The following PLCB4 variants were observed in gnomAD, a reference collection of about 807,000 sequenced individuals.
PLCB4 encodes phospholipase C beta 4, also known as 1-phosphatidylinositol 4,5-bisphosphate phosphodiesterase beta-4.
In PLCB4, 77 loss-of-function variants were observed where a neutral mutation model predicts 178.8. The observed-to-expected ratio is 0.43, with a 90% CI of 0.36 to 0.52. PLCB4 has a LOEUF of 0.52. Among genes scored for constraint, PLCB4 ranks in the 20% least tolerant of loss-of-function variants. The pLI is 0.00. For synonymous variants in PLCB4, 496 were observed against 490.8 expected, an observed-to-expected ratio of 1.01 and a Z score of -0.14; for missense variants, 1,024 against 1,453.4, an observed-to-expected ratio of 0.70 and a Z score of 4.80.
intron 2 of PLCB4, among the ~76,000 whole-genome samples, chr20:9,202,632 A>G (rs2093560774): frequency 6.6e-6 from 1 of 152,130 alleles, no homozygotes; most frequent in Admixed American, 6.5e-5. Context: ...AAGCAGTTTC[A>G]TATCCTTAGA....
chr20:9,428,693 G>A (rs1299372782), intron 28 of PLCB4, among the ~76,000 whole-genome samples: 4 of 152,008 alleles, frequency 2.6e-5, no homozygotes, highest in Non-Finnish European at 5.9e-5. Flanking sequence ...TCTTCTGCCT[G>A]TACCTCTTGG....
At chr20:9,397,757 T>G (rs955443011) in intron 19 of PLCB4, among the ~76,000 whole-genome samples, 27 of 152,322 alleles carry the variant, frequency 1.8e-4, no homozygotes. Flanking sequence ...GCTAAAGATA[T>G]CTGATACTAC....
At chr20:9,332,210 C>A (rs1196762572) in intron 4 of PLCB4, among the ~76,000 whole-genome samples, 10 of 152,052 alleles carry the variant, frequency 6.6e-5, no homozygotes, top group Admixed American at 6.6e-4. Flanking sequence ...CCTGCAGGGC[C>A]CAGATCTGGA....
At chr20:9,192,231 T>C (rs1179086638) in intron 2 of PLCB4, among the ~76,000 whole-genome samples, 1 of 152,194 alleles carries the variant, frequency 6.6e-6, no homozygotes, top group Non-Finnish European at 1.5e-5. Context: ...TGAGGTGATA[T>C]GAGCCGAACT....
chr20:9,123,894 G>A (rs1339760515), intron 2 of PLCB4, among the ~76,000 whole-genome samples: 2 of 151,922 alleles, frequency 1.3e-5, no homozygotes, highest in Non-Finnish European at 1.5e-5. Flanking sequence ...AAGTATTTTG[G>A]GCTTTGTGGA....
chr20:9,162,875 G>T (rs2092911218), intron 2 of PLCB4, among the ~76,000 whole-genome samples: 1 of 152,100 alleles, frequency 6.6e-6, no homozygotes, highest in African/African-American at 2.4e-5. Flanking sequence ...CTGAAAAGCT[G>T]TTTTTTAAAA....
intron 32 of PLCB4, 113 bp from the exon 33 acceptor site, chr20:9,453,234 T>C (rs2042874390): frequency 1.5e-6 from 1 of 656,238 alleles, no homozygotes; most frequent in Admixed American, 2.7e-5. Context: ...ATTTGGTTAT[T>C]CCTTGACTTT....
In PLCB4 at chr20:9,272,027, A is replaced by G. The variant is rs937959341; in HGVS notation, c.-15-35773A>G. ...ATCCTATGTCTACCAAAAAAAAAAA[A>G]TTGGCTGGGCGTGGTGGCATGCACC... On this transcript the variant is annotated intron_variant, in intron 3 of 39. Coordinates refer to ENST00000378473, the MANE Select transcript of PLCB4 (RefSeq NM_001377142.1). Among the ~76,000 whole-genome samples, 13 of 151,768 alleles carry G rather than the reference A, an allele frequency of 8.6e-5. No individual in the cohort carries two copies. The South Asian group carries it at 1.9e-3, about 22-fold the overall frequency.
intron 2 of PLCB4, among the ~76,000 whole-genome samples, chr20:9,209,798 C>T (rs1031788439): frequency 6.6e-6 from 1 of 151,788 alleles, no homozygotes; most frequent in Non-Finnish European, 1.5e-5. Flanking sequence ...CCCGTCTCTA[C>T]TAAAAAATAC....
chr20:9,421,247 G>T (rs1289549478), intron 26 of PLCB4, 50 bp from the exon 27 acceptor site: 2 of 1,419,362 alleles, frequency 1.4e-6, no homozygotes, highest in Middle Eastern at 2.2e-4. Context: ...TTTTGCTACT[G>T]ATGCTTACAC....
intron 2 of PLCB4, among the ~76,000 whole-genome samples, chr20:9,141,599 A>G (rs979824305): frequency 1.3e-5 from 2 of 152,132 alleles, no homozygotes; most frequent in Non-Finnish European, 2.9e-5. Context: ...GAAATAATTT[A>G]ATGCTGTAAA....
intron 32 of PLCB4, 49 bp downstream of exon 32, chr20:9,444,292 T>G: frequency 8.7e-7 from 1 of 1,144,734 alleles, no homozygotes; most frequent in South Asian, 1.3e-5. Context: ...GATGAATCAT[T>G]TGTAGCCAAA....
intron 1 of PLCB4, among the ~76,000 whole-genome samples, chr20:9,080,585 G>A (rs1456828927): frequency 2.0e-5 from 3 of 152,134 alleles, no homozygotes; most frequent in Non-Finnish European, 4.4e-5. Context: ...ATAGATTAGA[G>A]GCAGAGCTTC....
intron 2 of PLCB4, among the ~76,000 whole-genome samples, chr20:9,138,943 T>C (rs1030712131): frequency 8.5e-5 from 13 of 152,088 alleles, no homozygotes; most frequent in Non-Finnish European, 1.2e-4. Flanking sequence ...GTAACTATAG[T>C]ACATGGGTAT....
intron 2 of PLCB4, among the ~76,000 whole-genome samples, chr20:9,160,802 G>A (rs113592795): frequency 1.2e-3 from 180 of 152,200 alleles, no homozygotes; most frequent in African/African-American, 3.9e-3. Context: ...TCTGGACTTC[G>A]GGTTTGGAGG....
intron 2 of PLCB4, among the ~76,000 whole-genome samples, chr20:9,212,163 G>A (rs2093679912): frequency 6.6e-6 from 1 of 152,148 alleles, no homozygotes; most frequent in African/African-American, 2.4e-5. Flanking sequence ...CTGCCTTCTT[G>A]CTTCTCTTGC....
intron 2 of PLCB4, among the ~76,000 whole-genome samples, chr20:9,179,583 A>G (rs1385964298): frequency 1.3e-5 from 2 of 152,234 alleles, no homozygotes; most frequent in Admixed American, 1.3e-4. Context: ...ATTTTATTAC[A>G]GGAGCAATAG....
At chr20:9,195,271 G>A (rs967402713) in intron 2 of PLCB4, among the ~76,000 whole-genome samples, 1 of 152,184 alleles carries the variant, frequency 6.6e-6, no homozygotes, top group Non-Finnish European at 1.5e-5. Context: ...GATTCTGCAC[G>A]TCCAACAAGC....
chr20:9,288,855 T>A (rs551169230), intron 3 of PLCB4, among the ~76,000 whole-genome samples: 1 of 152,224 alleles, frequency 6.6e-6, no homozygotes, highest in African/African-American at 2.4e-5. Context: ...AGATTCCATA[T>A]TTTAAGACAT....
Sources: allele counts gnomAD v4.1 joint callset (sites outside exome capture counted in the v4.1 genomes callset), GRCh38; gene constraint gnomAD v4.1.1; transcripts MANE v1.5; gene names NCBI Gene and HGNC (gene_info 2026-07-23, HGNC 2026-07-21).